PRICKLE2: variants seen among roughly 807,000 people sequenced by gnomAD.
PRICKLE2 encodes prickle planar cell polarity protein 2.
Under a neutral mutation model 81.4 loss-of-function variants are expected in PRICKLE2, and 21 were observed. The observed-to-expected ratio is 0.26, with a 90% CI of 0.18 to 0.37. The LOEUF (loss-of-function observed/expected upper bound fraction) is 0.37. PRICKLE2 is among the 10% of genes least tolerant of loss of function. PRICKLE2 has a pLI of 1.00. For missense variants in PRICKLE2, 940 were observed against 1,109.0 expected (o/e 0.85, Z 2.16); for synonymous variants, 456 against 421.5 (o/e 1.08, Z -1.00).
intron 2 of PRICKLE2, among the ~76,000 whole-genome samples, chr3:64,188,547 C>T (rs2078276793): frequency 6.6e-6 from 1 of 152,156 alleles, no homozygotes; most frequent in Non-Finnish European, 1.5e-5. Flanking sequence ...GGTATGGGAA[C>T]CTCGTTTTGA....
intron 2 of PRICKLE2, among the ~76,000 whole-genome samples, chr3:64,267,121 A>G (rs1382293549): frequency 6.6e-6 from 1 of 152,080 alleles, no homozygotes. Flanking sequence ...ACGGCTGCCC[A>G]GGCACTCCAG....
chr3:64,145,033 AT>A (rs77446098), intron 7 of PRICKLE2, among the ~76,000 whole-genome samples: 1 of 151,372 alleles, frequency 6.6e-6, no homozygotes, highest in African/African-American at 2.4e-5. Context: ...ACGTTACTCT[AT>A]TTTTTCCCAC....
At chr3:64,104,247 T>A (rs2076718089) in intron 7 of PRICKLE2, among the ~76,000 whole-genome samples, 1 of 152,154 alleles carries the variant, frequency 6.6e-6, no homozygotes, top group Non-Finnish European at 1.5e-5. Flanking sequence ...CTCCCCAATA[T>A]GAAAGCAGAG....
chr3:64,257,909 C>T lies in PRICKLE2; in HGVS notation c.129-58942G>A, dbSNP rs117660762. Among the ~76,000 whole-genome samples the T allele has an allele frequency of 1.5e-3, 231 of 152,204 alleles. 1 individual carries two copies. Among genetic ancestry groups the T allele is most frequent in the East Asian group, 3.9e-3 (20 of 5,158 alleles). ...AGAGCCCTCATGAATAGGATTAGTGCTCTTATAAAAGAGACCCCAAAGTGC... is the reference window on the plus strand; with the variant it reads ...AGAGCCCTCATGAATAGGATTAGTGTTCTTATAAAAGAGACCCCAAAGTGC... On this transcript the variant is annotated intron_variant, in intron 2 of 8. Transcript: ENST00000295902.
chr3:64,157,960 T>C (rs2077666201), intron 4 of PRICKLE2, among the ~76,000 whole-genome samples: 1 of 152,252 alleles, frequency 6.6e-6, no homozygotes, highest in Non-Finnish European at 1.5e-5. Context: ...GGCCAAACTA[T>C]GGAAAGGGTT....
At chr3:64,183,647 G>A (rs1159301693) in intron 2 of PRICKLE2, among the ~76,000 whole-genome samples, 1 of 152,136 alleles carries the variant, frequency 6.6e-6, no homozygotes, top group Non-Finnish European at 1.5e-5. Context: ...AGTAATTACT[G>A]TTCATGAACT....
intron 2 of PRICKLE2, among the ~76,000 whole-genome samples, chr3:64,179,604 C>A (rs1199727956): frequency 6.6e-6 from 1 of 152,142 alleles, no homozygotes; most frequent in Non-Finnish European, 1.5e-5. Flanking sequence ...ATGCATTAGG[C>A]AATTCAAATT....
chr3:64,245,484 G>A (rs2079333862), intron 2 of PRICKLE2, among the ~76,000 whole-genome samples: 3 of 152,166 alleles, frequency 2.0e-5, no homozygotes, highest in Admixed American at 1.3e-4. Context: ...TGCTGCTTCT[G>A]TTTGGAATCA....
intron 2 of PRICKLE2, among the ~76,000 whole-genome samples, chr3:64,240,547 G>A (rs1344413067): frequency 6.6e-6 from 1 of 152,140 alleles, no homozygotes; most frequent in Non-Finnish European, 1.5e-5. Context: ...GCTATGAAAT[G>A]CCTCAGTGAA....
intron 2 of PRICKLE2, among the ~76,000 whole-genome samples, chr3:64,246,954 A>G (rs2079368069): frequency 6.6e-6 from 1 of 152,198 alleles, no homozygotes; most frequent in Admixed American, 6.5e-5. Flanking sequence ...CATTCTCAGC[A>G]ATACTTATTC....
chr3:64,198,671 C>T (rs2078509032), intron 2 of PRICKLE2, 113 bp downstream of exon 2: 3 of 1,184,788 alleles, frequency 2.5e-6, no homozygotes, highest in Non-Finnish European at 3.8e-6. Flanking sequence ...TTTAGCCCTA[C>T]CACTTCTCTG....
intron 5 of PRICKLE2, 157 bp from the exon 6 acceptor site, chr3:64,153,525 T>G (rs1460209782): frequency 4.5e-6 from 3 of 665,192 alleles, no homozygotes; most frequent in Admixed American, 2.5e-5. Flanking sequence ...TTATTCTGTA[T>G]GTATATCAGT....
rs773985269 is a variant in PRICKLE2 at position 64,099,608 on chromosome 3, C to G, written c.1978G>C (p.Val660Leu). The G allele has an allele frequency of 1.2e-6, 2 of 1,613,916 alleles. No individual in the cohort carries two copies. The highest frequency in any genetic ancestry group is 8.5e-7 in the Non-Finnish European group (1 of 1,180,034). The stretch of plus-strand genomic sequence containing the variant: ...CGTTCACTCATGGGCTGGATCCTCA[C>G]GCCCTCCTGCCCTGGCAGCTTGCTG... ...AGSKLPGQEG[V>L]RIQPMSERTR... The change falls in exon 8 of 8, where the codon GTG (valine) becomes CTG (leucine). Residue 660 changes from valine to leucine, a missense_variant. This residue lies in a region of PRICKLE2 where 670 missense variants were observed against 717.2 expected (regional missense o/e 0.93). Coordinates refer to ENST00000638394, the MANE Select transcript of PRICKLE2 (RefSeq NM_198859.4). This position sits in a 1 kb window ranked among gnomAD's most constrained non-coding sequence, Gnocchi z 4.3.
chr3:64,240,892 G>C (rs1294261169), intron 2 of PRICKLE2, among the ~76,000 whole-genome samples: 1 of 152,182 alleles, frequency 6.6e-6, no homozygotes, highest in African/African-American at 2.4e-5. Flanking sequence ...TTATGGCCAA[G>C]AAGAGGAAGG....
rs563440693 is a variant in PRICKLE2, at chr3:64,092,808, T to C, written c.*6243A>G. ...ACAAAGACACTAAGAAGGCAATGCA[T>C]TGAAACCAGTGGTTCTCAACAGGGA... On this transcript the variant is annotated 3_prime_UTR_variant, in exon 8 of 8. Coordinates refer to ENST00000638394, the MANE Select transcript of PRICKLE2 (RefSeq NM_198859.4). The C allele has an allele frequency of 6.6e-6, 1 of 152,240 alleles. No individual in the cohort carries two copies. Among genetic ancestry groups the C allele is most frequent in the Non-Finnish European group, 1.5e-5 (1 of 68,044 alleles). The allele number at this position is 152,240 out of a possible 1,614,324, so 9.4% of individuals were successfully genotyped here.
At position 64,225,425 on chromosome 3, in the gene PRICKLE2, C is replaced by G. The variant is rs1006837933; in HGVS notation, c.-556G>C. 1 of 985,084 alleles carries G rather than the reference C, an allele frequency of 1.0e-6. No homozygotes were observed. Among genetic ancestry groups the G allele is most frequent in the Non-Finnish European group, 1.2e-6 (1 of 829,958 alleles). 61.0% of individuals were successfully genotyped at this position (985,084 alleles called of 1,614,324 possible). A position where few individuals can be genotyped will look rare whatever the true frequency, so the allele number is the denominator to read the frequency against. On this transcript the variant is annotated 5_prime_UTR_variant, in exon 1 of 8. Transcript: ENST00000638394. Reference sequence around the variant, plus strand: ...TTGGTCAAAAAATAATAATAACTCTCGGTGGCGCTGCTGGTGGTGCCTGAG... The same window carrying G: ...TTGGTCAAAAAATAATAATAACTCTGGGTGGCGCTGCTGGTGGTGCCTGAG...
intron 1 of PRICKLE2, among the ~76,000 whole-genome samples, chr3:64,212,900 T>C (rs1012770542): frequency 2.0e-5 from 3 of 152,118 alleles, no homozygotes; most frequent in Non-Finnish European, 4.4e-5. Flanking sequence ...AAGAGATCAA[T>C]GGAAAACAGA....
At chr3:64,186,718 A>T (rs2078241128) in intron 2 of PRICKLE2, among the ~76,000 whole-genome samples, 1 of 152,248 alleles carries the variant, frequency 6.6e-6, no homozygotes, top group South Asian at 2.1e-4. Context: ...GCACAAATAA[A>T]TGCATAAAGG....
At chr3:64,258,845 A>AAAGAAAGAAAGAAAAG (rs1553663504) in intron 2 of PRICKLE2, among the ~76,000 whole-genome samples, 65 of 34,016 alleles carry the variant, frequency 1.9e-3, no homozygotes, top group African/African-American at 7.4e-3. Flanking sequence ...AAAAAAAAAA[A>AAAGAAAGAAAGAAAAG]AAAGAAAGAA....
Sources: allele counts gnomAD v4.1 joint callset (sites outside exome capture counted in the v4.1 genomes callset), GRCh38; gene constraint gnomAD v4.1.1; regional missense constraint gnomAD v4.1.1; non-coding constraint Gnocchi (gnomAD v3.1); transcripts MANE v1.5; gene names NCBI Gene and HGNC (gene_info 2026-07-23, HGNC 2026-07-21).